Variants in TEDC1 observed in about 807,000 individuals in gnomAD.
TEDC1 encodes tubulin epsilon and delta complex protein 1.
A neutral mutation model predicts 59.9 loss-of-function variants in TEDC1; 54 were observed. The ratio of observed to expected loss-of-function variants is 0.90; its 90% CI spans 0.72 to 1.13. The LOEUF is 1.13. Among genes scored for constraint, TEDC1 ranks in the 50% most tolerant of loss-of-function variants. The pLI, the probability that TEDC1 is intolerant of heterozygous loss-of-function variation, is 0.00. For synonymous variants in TEDC1, 353 were observed against 298.1 expected (o/e 1.18, Z -1.90); for missense variants, 734 against 683.4 (o/e 1.07, Z -0.83).
chr14:105,494,002 GGT>G, intron 5 of TEDC1, 69 bp downstream of exon 5: 1 of 791,314 alleles, frequency 1.3e-6, no homozygotes, highest in Non-Finnish European at 1.8e-6. Context: ...GACTGCCCAG[GGT>G]GGGAGGGGCC....
At chr14:105,493,392 A>G (rs587661144) in intron 4 of TEDC1, among the ~76,000 whole-genome samples, 2 of 151,828 alleles carry the variant, frequency 1.3e-5, no homozygotes, top group South Asian at 2.1e-4. Flanking sequence ...TTATGTGCCT[A>G]CCTGTGACCC....
upstream of TEDC1, chr14:105,490,920 T>G (rs994163795): frequency 2.8e-6 from 3 of 1,060,586 alleles, no homozygotes; most frequent in Admixed American, 2.0e-5. Context: ...AGGCGGGGTG[T>G]CGGGTGTCGT....
chr14:105,498,853 G>A lies in TEDC1; in HGVS notation c.1395G>A (p.Val465=), dbSNP rs1555441116. The change falls in exon 9 of 9, where the codon GTG becomes GTA. Residue 465 remains valine, a synonymous_variant. Coordinates refer to ENST00000392523, the MANE Select transcript of TEDC1 (RefSeq NM_001367178.1). ...GCCAGGAGGCCTGCCTGGAGGCGGT[G>A]CTACGTCGACTACAGGGACAGTGTC... is the stretch of plus-strand genomic sequence containing the variant. ...LRSQEACLEA[V]LRRLQGQCRQ... is the part of the protein sequence containing the mutation. 1 of 1,611,444 alleles carries A rather than the reference G, an allele frequency of 6.2e-7. No individual in the cohort carries two copies. Among genetic ancestry groups the A allele is most frequent in the Non-Finnish European group, 8.5e-7 (1 of 1,179,574 alleles).
chr14:105,494,345 A>G (rs1284945418), intron 5 of TEDC1: 3 of 266,784 alleles, frequency 1.1e-5, no homozygotes, highest in Non-Finnish European at 2.2e-5. Flanking sequence ...CACTGGGTGA[A>G]GGGTTGGGCA....
At chr14:105,497,491 C>T in intron 7 of TEDC1, 48 bp downstream of exon 7, 6 of 1,522,774 alleles carry the variant, frequency 3.9e-6, no homozygotes, top group Admixed American at 2.0e-5. Flanking sequence ...CCCACAGCAG[C>T]CCCCAGGTGG....
At chr14:105,494,224 C>T (rs1012686732) in intron 5 of TEDC1, 14 of 500,868 alleles carry the variant, frequency 2.8e-5, no homozygotes, top group Non-Finnish European at 5.1e-5. Context: ...TAAGGGCAGG[C>T]TGTTGGAATA....
At chr14:105,494,694 G>C (rs1463773645) in intron 5 of TEDC1, 1 of 152,278 alleles carries the variant, frequency 6.6e-6, no homozygotes, top group African/African-American at 2.4e-5. Context: ...CCAAGTGTTA[G>C]GGTTGACCTA....
chr14:105,498,633 G>T lies in TEDC1; in HGVS notation c.1175G>T (p.Arg392Leu). ...AWEAKAGGCG[R>L]GPEWSAARRA... The stretch of plus-strand genomic sequence containing the variant: ...CCCACGCAGGCTGGAGGCTGTGGAC[G>T]GGGGCCAGAGTGGAGTGCCGCGCGG... Residue 392 changes from arginine to leucine, a missense_variant, in exon 9 of 9, where the codon CGG becomes CTG. By Grantham distance (102) the Arg-to-Leu change is moderately radical. Transcript: ENST00000392523. 1 of 1,548,322 alleles carries T rather than the reference G, an allele frequency of 6.5e-7. No individual in the cohort carries two copies. The highest frequency in any genetic ancestry group is 1.2e-5 in the South Asian group (1 of 83,580).
Position 105,499,216 on chromosome 14 carries a change from G to C in TEDC1, c.*270G>C. On this transcript the variant is annotated 3_prime_UTR_variant, in exon 9 of 9. Coordinates refer to ENST00000392523, the MANE Select transcript of TEDC1 (RefSeq NM_001367178.1). ...GGAGGGGACTCGGAAATAAATTGTA[G>C]CAGCTTTCCTGCCGCTGGCCCTCCC... 1 of 548,318 alleles carries C rather than the reference G, an allele frequency of 1.8e-6. No homozygotes were observed. Among genetic ancestry groups the C allele is most frequent in the Non-Finnish European group, 3.2e-6 (1 of 308,624 alleles). The allele number at this position is 548,318 out of a possible 1,614,324, so 34.0% of individuals were successfully genotyped here.
chr14:105,498,311 G>A (rs777196506), intron 8 of TEDC1, among the ~76,000 whole-genome samples: 16 of 152,218 alleles, frequency 1.1e-4, no homozygotes, highest in Non-Finnish European at 1.5e-4. Flanking sequence ...CCTGGGACCC[G>A]TCTAACCTCC....
rs199739141 is a variant in TEDC1 at position 105,492,153 on chromosome 14, C to T, written c.273C>T (p.Tyr91=). 2.2e-5 allele frequency: 36 copies of T among 1,612,916 alleles called. No homozygotes were observed. In the East Asian group the frequency reaches 6.2e-4, roughly 28 times the overall value. ...AGTCAGCACTATGCTCCCAGGGCTACCCGAGGCTGGCACTGGCACAACTAC... is the reference window on the plus strand; with the variant it reads ...AGTCAGCACTATGCTCCCAGGGCTATCCGAGGCTGGCACTGGCACAACTAC... The part of the protein sequence containing the change: ...LVKSALCSQG[Y]PRLALAQLPE... The change falls in exon 3 of 9, where the codon TAC becomes TAT. Residue 91 remains tyrosine, a synonymous_variant. Coordinates refer to ENST00000392523, the MANE Select transcript of TEDC1 (RefSeq NM_001367178.1).
intron 7 of TEDC1, 58 bp downstream of exon 7, chr14:105,497,501 G>A (rs930321414): frequency 2.0e-6 from 3 of 1,518,294 alleles, no homozygotes; most frequent in Non-Finnish European, 2.6e-6. Context: ...CCCCCAGGTG[G>A]GGCATTCGGG....
chr14:105,495,884 C>T lies in TEDC1; in HGVS notation c.689C>T (p.Ser230Phe). Residue 230 changes from serine to phenylalanine, a missense_variant, in exon 6 of 9, where the codon TCT (serine) becomes TTT (phenylalanine). Transcript: ENST00000392523. Reference protein sequence around the residue: ...LRDPEGGQQVSGAGAAQNLDL... With the variant: ...LRDPEGGQQVFGAGAAQNLDL... ...CATGGCTGGCTTCCTTCCAAGGTTT[C>T]TGGAGCGGGAGCTGCCCAAAACCTG... 6.5e-7 allele frequency: 1 copy of T among 1,549,262 alleles called. No individual in the cohort carries two copies. The highest frequency in any genetic ancestry group is 8.7e-7 in the Non-Finnish European group (1 of 1,146,432).
intron 4 of TEDC1, 79 bp from the exon 5 acceptor site, chr14:105,493,756 T>C: frequency 9.6e-7 from 1 of 1,041,976 alleles, no homozygotes; most frequent in South Asian, 1.3e-5. Context: ...ATGGCCGACC[T>C]CCCTGGACTC....
At chr14:105,497,278 C>A (rs2084367903) in intron 6 of TEDC1, 79 bp from the exon 7 acceptor site, 8 of 1,400,348 alleles carry the variant, frequency 5.7e-6, no homozygotes, top group Non-Finnish European at 7.9e-6. Context: ...GGTGTCGGCG[C>A]TGGGTCCAGC....
intron 3 of TEDC1, 64 bp downstream of exon 3, chr14:105,492,373 C>T: frequency 2.5e-6 from 4 of 1,579,394 alleles, no homozygotes; most frequent in South Asian, 1.1e-5. Flanking sequence ...AGAGCAAGGG[C>T]AGGCCTGGGT....
In TEDC1 at chr14:105,499,092, G is replaced by A. The variant is rs1270055847; in HGVS notation, c.*146G>A. The A allele has an allele frequency of 1.1e-5, 10 of 882,960 alleles. No homozygotes were observed. Among genetic ancestry groups the A allele is most frequent in the Non-Finnish European group, 1.7e-5 (10 of 594,186 alleles). 54.7% of individuals were successfully genotyped at this position (882,960 alleles called of 1,614,324 possible). On this transcript the variant is annotated 3_prime_UTR_variant, in exon 9 of 9. Transcript: ENST00000392523. Reference sequence around the variant, plus strand: ...CATGCTCGCTCCAGGGGTGGGGCTGGGCTGACTCTGGCCGGATCCCAGGCC... The same window carrying A: ...CATGCTCGCTCCAGGGGTGGGGCTGAGCTGACTCTGGCCGGATCCCAGGCC...
rs1193620147 is a variant in TEDC1 at position 105,492,833 on chromosome 14, C to G, written c.585+99C>G. The G allele has an allele frequency of 4.1e-6, 6 of 1,445,982 alleles. No homozygotes were observed. The East Asian group carries it at 1.0e-4, about 24-fold the overall frequency. The allele number at this position is 1,445,982 out of a possible 1,614,324, so 89.6% of individuals were successfully genotyped here. A position where few individuals can be genotyped will look rare whatever the true frequency, so the allele number is the denominator to read the frequency against. On this transcript the variant is annotated intron_variant, in intron 4 of 8. Coordinates refer to ENST00000392523, the MANE Select transcript of TEDC1 (RefSeq NM_001367178.1). ...CCCGTCCCGTGAGGCCTGGCACAGG[C>G]TTTTGGCTGGATGTGGGCCTTCCTG...
chr14:105,496,146 G>GGGGGGGCCCCCCCCC, intron 6 of TEDC1, 60 bp downstream of exon 6: 1 of 331,608 alleles, frequency 3.0e-6, no homozygotes, highest in Non-Finnish European at 5.9e-6. Context: ...GGGTGGGAGG[G>GGGGGGGCCCCCCCCC]GGTGGCGAGG....
Sources: gnomAD v4.1 joint callset for allele counts (sites outside exome capture counted in the v4.1 genomes callset) on GRCh38, gnomAD v4.1.1 for gene constraint, MANE v1.5 for transcripts, NCBI Gene and HGNC (gene_info 2026-07-23, HGNC 2026-07-21) for gene names.